PPARG: variants seen among roughly 807,000 people sequenced by gnomAD.
The protein encoded by PPARG is peroxisome proliferator-activated receptor gamma.
Under a neutral mutation model 39.2 loss-of-function variants are expected in PPARG, and 17 were observed. That is an observed-to-expected ratio of 0.43 (90% confidence interval 0.30 to 0.65). PPARG has a LOEUF of 0.65. Among genes scored for constraint, PPARG ranks in the 30% least tolerant of loss-of-function variants. The pLI is 0.13. For missense variants in PPARG, 406 were observed against 585.9 expected (o/e 0.69, Z 3.17); for synonymous variants, 223 against 215.7 (o/e 1.03, Z -0.30).
At chr3:12,406,280 G>C in intron 6 of PPARG, 199 bp downstream of exon 6, 1 of 636,818 alleles carries the variant, frequency 1.6e-6, no homozygotes, top group Admixed American at 2.7e-5. Flanking sequence ...TTTGAAAAGG[G>C]AGAAAAGTCC....
chr3:12,370,477 C>T (rs894644172), intron 2 of PPARG, among the ~76,000 whole-genome samples: 5 of 152,042 alleles, frequency 3.3e-5, no homozygotes, highest in East Asian at 1.9e-4. Context: ...CTCAGGAATA[C>T]GTTTCAAGTA....
chr3:12,291,465 A>T (rs1037706724), intron 1 of PPARG, among the ~76,000 whole-genome samples: 10 of 152,190 alleles, frequency 6.6e-5, no homozygotes, highest in Admixed American at 3.3e-4. Context: ...ATCTTCTTGG[A>T]AGTTCTTACT....
chr3:12,392,580 A>T, intron 4 of PPARG, 34 bp from the exon 5 acceptor site: 1 of 1,612,608 alleles, frequency 6.2e-7, no homozygotes, highest in Non-Finnish European at 8.5e-7. Flanking sequence ...TGTCATAAAG[A>T]CTTAAAATTT....
At chr3:12,347,523 A>G (rs2048362861) in intron 2 of PPARG, among the ~76,000 whole-genome samples, 1 of 152,134 alleles carries the variant, frequency 6.6e-6, no homozygotes, top group African/African-American at 2.4e-5. Flanking sequence ...CCCTGGGACT[A>G]TGAAGAAACC....
chr3:12,343,545 C>T (rs1335221776), intron 2 of PPARG, among the ~76,000 whole-genome samples: 7 of 152,228 alleles, frequency 4.6e-5, no homozygotes, highest in South Asian at 4.2e-4. Flanking sequence ...AAGTCAGTGG[C>T]GAGTACTGCA....
intron 6 of PPARG, among the ~76,000 whole-genome samples, chr3:12,408,182 C>T (rs894131841): frequency 3.3e-5 from 5 of 152,190 alleles, no homozygotes; most frequent in African/African-American, 4.8e-5. Context: ...AAGAAAGCTT[C>T]GGTCTGAGAA....
chr3:12,428,416 A>G (rs1391989180), intron 7 of PPARG, among the ~76,000 whole-genome samples: 1 of 152,220 alleles, frequency 6.6e-6, no homozygotes, highest in African/African-American at 2.4e-5. Flanking sequence ...AGGGCCTTCT[A>G]AGCAGCCTAC....
At chr3:12,320,330 A>G (rs1022797988) in intron 2 of PPARG, among the ~76,000 whole-genome samples, 2 of 152,138 alleles carry the variant, frequency 1.3e-5, no homozygotes, top group Non-Finnish European at 2.9e-5. Context: ...GTCTTTTGGT[A>G]TTGTCTGAAT....
At chr3:12,328,324 G>A (rs1325480896) in intron 2 of PPARG, 8 of 906,464 alleles carry the variant, frequency 8.8e-6, no homozygotes, top group Non-Finnish European at 1.4e-5. Context: ...CATTCCTGGT[G>A]GGGGCAGAGG....
chr3:12,373,581 T>C (rs1488217966), intron 2 of PPARG, among the ~76,000 whole-genome samples: 1 of 152,190 alleles, frequency 6.6e-6, no homozygotes, highest in South Asian at 2.1e-4. Flanking sequence ...AGTATTGTTA[T>C]TTTTCCATCT....
chr3:12,288,991 G>C (rs2046579993), upstream of PPARG: 1 of 152,320 alleles, frequency 6.6e-6, no homozygotes, highest in African/African-American at 2.4e-5. Context: ...GTTTAGGGAG[G>C]AGCCTAAGGT....
intron 1 of PPARG, among the ~76,000 whole-genome samples, chr3:12,292,420 A>G: frequency 6.6e-6 from 1 of 152,214 alleles, no homozygotes; most frequent in Non-Finnish European, 1.5e-5. Context: ...CCTAGGATCC[A>G]TCAGATCAGA....
At chr3:12,312,927 C>T (rs1198902009) in intron 2 of PPARG, among the ~76,000 whole-genome samples, 3 of 152,086 alleles carry the variant, frequency 2.0e-5, no homozygotes, top group South Asian at 2.1e-4. Flanking sequence ...AAGTTATACC[C>T]GGCATTAAAA....
At chr3:12,369,590 A>C (rs73025253) in intron 2 of PPARG, among the ~76,000 whole-genome samples, 4,058 of 152,214 alleles carry the variant, frequency 0.027, 73 homozygotes, top group South Asian at 0.066. Context: ...TAGTCCTTTT[A>C]CTACCATATT....
chr3:12,330,040 A>G (rs1459662708), intron 2 of PPARG, among the ~76,000 whole-genome samples: 2 of 152,046 alleles, frequency 1.3e-5, no homozygotes, highest in Non-Finnish European at 1.5e-5. Flanking sequence ...CCATTCATCT[A>G]CTGATGGATA....
At chr3:12,378,259 A>G (rs553121792) in intron 2 of PPARG, among the ~76,000 whole-genome samples, 24 of 152,310 alleles carry the variant, frequency 1.6e-4, no homozygotes, top group African/African-American at 5.8e-4. Flanking sequence ...TAGCAATCCT[A>G]CTTCTGGGTA....
chr3:12,345,620 T>C lies in PPARG; in HGVS notation c.-9+33167T>C, dbSNP rs569103833. Among the ~76,000 whole-genome samples the C allele has an allele frequency of 2.0e-5, 3 of 152,330 alleles. No individual in the cohort carries two copies. In the East Asian group the frequency reaches 5.8e-4, roughly 29 times the overall value. On this transcript the variant is annotated intron_variant, in intron 2 of 7. Transcript: ENST00000651735. ...GTCATGCTTTGGGCAAATCATTTCA[T>C]TCCTCTGGAACCCATTTTCCTTATA... is the stretch of plus-strand genomic sequence containing the variant.
intron 2 of PPARG, among the ~76,000 whole-genome samples, chr3:12,369,473 CAGAG>C (rs2049132519): frequency 6.6e-6 from 1 of 152,156 alleles, no homozygotes; most frequent in Non-Finnish European, 1.5e-5. Flanking sequence ...GCCTGGGCCA[CAGAG>C]AGAGACCTTG....
intron 5 of PPARG, among the ~76,000 whole-genome samples, chr3:12,399,946 T>C (rs2050412347): frequency 1.3e-5 from 2 of 149,414 alleles, no homozygotes; most frequent in Non-Finnish European, 3.0e-5. Context: ...ATCATGCCAC[T>C]ACACTCCCAC....
Sources: allele counts gnomAD v4.1 joint callset (sites outside exome capture counted in the v4.1 genomes callset), GRCh38; gene constraint gnomAD v4.1.1; transcripts MANE v1.5; gene names NCBI Gene and HGNC (gene_info 2026-07-23, HGNC 2026-07-21).